ACTR6: variants seen among roughly 807,000 people sequenced by gnomAD.
ACTR6 encodes actin-related protein 6.
Under a neutral mutation model 52.5 loss-of-function variants are expected in ACTR6, and 50 were observed. The observed-to-expected ratio is 0.95, with a 90% CI of 0.76 to 1.20. The LOEUF is 1.20. ACTR6 is among the 50% of genes most tolerant of loss of function. The pLI, the probability that ACTR6 is intolerant of heterozygous loss-of-function variation, is 0.00. For missense variants in ACTR6, 344 were observed against 472.4 expected, an observed-to-expected ratio of 0.73 and a Z score of 2.52; for synonymous variants, 135 against 147.2, an observed-to-expected ratio of 0.92 and a Z score of 0.60.
intron 8 of ACTR6, among the ~76,000 whole-genome samples, chr12:100,214,997 AT>A (rs2096122904): frequency 1.3e-5 from 2 of 152,154 alleles, no homozygotes; most frequent in Non-Finnish European, 2.9e-5. Flanking sequence ...TTATTGTCAT[AT>A]TTTATAGCTG....
intron 4 of ACTR6, chr12:100,208,857 C>T (rs1390498137): frequency 1.1e-5 from 5 of 445,624 alleles, no homozygotes; most frequent in Non-Finnish European, 1.8e-5. Flanking sequence ...AGGGATCCTC[C>T]CGCCTCAGCC....
intron 1 of ACTR6, among the ~76,000 whole-genome samples, 191 bp from the exon 2 acceptor site, chr12:100,204,749 C>T (rs1228246297): frequency 1.3e-5 from 2 of 152,190 alleles, no homozygotes. Context: ...TCATCCTGCT[C>T]CCAAAGTGCT....
intron 4 of ACTR6, 154 bp downstream of exon 4, chr12:100,207,940 C>T: frequency 1.4e-6 from 1 of 712,246 alleles, no homozygotes; most frequent in Non-Finnish European, 2.3e-6. Flanking sequence ...GCGAGTAGAT[C>T]ACTTGAGTTT....
chr12:100,216,935 A>G (rs2096124331), intron 8 of ACTR6, among the ~76,000 whole-genome samples: 1 of 152,134 alleles, frequency 6.6e-6, no homozygotes, highest in Non-Finnish European at 1.5e-5. Flanking sequence ...TTTTTATTTT[A>G]GAATAATGTT....
intron 6 of ACTR6, among the ~76,000 whole-genome samples, chr12:100,211,689 G>A (rs11613218): frequency 0.014 from 2,115 of 152,250 alleles, 18 homozygotes; most frequent in Non-Finnish European, 0.021. Context: ...GCCACACCCA[G>A]TCATGCCATA....
At chr12:100,216,604 A>G (rs2096124132) in intron 8 of ACTR6, among the ~76,000 whole-genome samples, 1 of 152,242 alleles carries the variant, frequency 6.6e-6, no homozygotes, top group Non-Finnish European at 1.5e-5. Context: ...TATAAACTAG[A>G]TAACCTCTAA....
chr12:100,213,880 A>C (rs373834393), intron 8 of ACTR6, among the ~76,000 whole-genome samples: 2 of 152,246 alleles, frequency 1.3e-5, no homozygotes, highest in African/African-American at 4.8e-5. Flanking sequence ...TTGGTCAGAA[A>C]CATAAGCACA....
chr12:100,202,874 A>AT (rs756622553), intron 1 of ACTR6, among the ~76,000 whole-genome samples: 17 of 151,642 alleles, frequency 1.1e-4, no homozygotes, highest in African/African-American at 2.7e-4. Flanking sequence ...AAAAAAAAAA[A>AT]GTTGCTACTT....
In ACTR6 at chr12:100,200,889, C is replaced by G. The variant is rs2096109050; in HGVS notation, c.38C>G (p.Ala13Gly). 3 of 1,614,040 alleles carry G rather than the reference C, an allele frequency of 1.9e-6. No homozygotes were observed. The African/African-American group carries it at 4.0e-5, about 22-fold the overall frequency. ...GTGCTGGATAATGGAGCTTACAACG[C>G]CAAAATCGGTTACAGCCATGAAAAT... is the stretch of plus-strand genomic sequence containing the variant. ...TLVLDNGAYN[A>G]KIGYSHENVS... is the part of the protein sequence containing the mutation. The change falls in exon 1 of 11, where the codon GCC (alanine) becomes GGC (glycine). Residue 13 changes from alanine to glycine, a missense_variant. Physicochemically the swap from Ala to Gly is moderately conservative, Grantham distance 60. Transcript: ENST00000188312.
intron 9 of ACTR6, 47 bp from the exon 10 acceptor site, chr12:100,219,960 AT>A: frequency 1.3e-6 from 2 of 1,596,202 alleles, no homozygotes; most frequent in Non-Finnish European, 1.7e-6. Context: ...AAGTAAACAG[AT>A]TTTCTAATGC....
At position 100,220,270 on chromosome 12, in the gene ACTR6, A is replaced by G. The variant is rs532844648; in HGVS notation, c.1061+124A>G. 3.2e-6 allele frequency: 3 copies of G among 928,806 alleles called. No individual in the cohort carries two copies. The Admixed American group carries it at 7.3e-5, about 23-fold the overall frequency. The allele number at this position is 928,806 out of a possible 1,614,324, so 57.5% of individuals were successfully genotyped here. A position where few individuals can be genotyped will look rare whatever the true frequency, so the allele number is the denominator to read the frequency against. ...GGTTCATTTCACCTGCTGAATATTC[A>G]TTTTTCTTCTTTCAAAAATTGAAAT... On this transcript the variant is annotated intron_variant, in intron 10 of 10. Coordinates refer to ENST00000188312, the MANE Select transcript of ACTR6 (RefSeq NM_022496.5).
In ACTR6 at chr12:100,219,921, T is replaced by A; in HGVS notation, c.923-87T>A. 6 of 1,409,664 alleles carry A rather than the reference T, an allele frequency of 4.3e-6. No individual in the cohort carries two copies. In the South Asian group the frequency reaches 7.7e-5, roughly 18 times the overall value. 87.3% of individuals were successfully genotyped at this position (1,409,664 alleles called of 1,614,324 possible). ...AACTGTAATCCCTAATTGCTTCTTA[T>A]CTGATCCCTCATCCACATCTTTCCA... On this transcript the variant is annotated intron_variant, in intron 9 of 10. Transcript: ENST00000188312.
chr12:100,202,655 C>T (rs1226113121), intron 1 of ACTR6, among the ~76,000 whole-genome samples: 1 of 151,910 alleles, frequency 6.6e-6, no homozygotes, highest in African/African-American at 2.4e-5. Flanking sequence ...TTAGGAGATC[C>T]AGAGCATCAT....
chr12:100,219,740 T>C (rs1263990237), intron 9 of ACTR6, among the ~76,000 whole-genome samples: 1 of 152,182 alleles, frequency 6.6e-6, no homozygotes, highest in Non-Finnish European at 1.5e-5. Flanking sequence ...CATGAGTGTA[T>C]AGTAAGTAGC....
In ACTR6 at chr12:100,204,983, A is replaced by G. The variant is rs1361991753; in HGVS notation, c.112A>G (p.Lys38Glu). The change falls in exon 2 of 11, where the codon AAA (lysine) becomes GAA (glutamate). Residue 38 changes from lysine (K) to glutamate (E), a missense_variant. Coordinates refer to ENST00000188312, the MANE Select transcript of ACTR6 (RefSeq NM_022496.5). ...CQFRSKTARL[K>E]TFTANQIDEI... is the part of the protein sequence containing the mutation. ...GTTCCGGTCAAAAACAGCACGTCTT[A>G]AAACTTTTACTGCCAACCAGATAGA... The G allele has an allele frequency of 6.2e-7, 1 of 1,612,962 alleles. No homozygotes were observed. Among genetic ancestry groups the G allele is most frequent in the Non-Finnish European group, 8.5e-7 (1 of 1,179,268 alleles).
Position 100,218,400 on chromosome 12 carries a change from T to A in ACTR6, c.751-15T>A, listed in dbSNP as rs777006612. The A allele has an allele frequency of 6.2e-7, 1 of 1,600,702 alleles. No individual in the cohort carries two copies. The highest frequency in any genetic ancestry group is 1.1e-5 in the South Asian group (1 of 89,084). On this transcript the variant is annotated splice_polypyrimidine_tract_variant and intron_variant, in intron 8 of 10. Transcript: ENST00000188312. This position sits in a 1 kb window ranked among gnomAD's most constrained non-coding sequence, Gnocchi z 4.2. ...GATAATATAACTTAAACTTTTAATC[T>A]TCTTTGTCTTTAAGCCAAGGGAAGA...
At chr12:100,221,687 T>A (rs1177065328) in intron 10 of ACTR6, 18 of 152,072 alleles carry the variant, frequency 1.2e-4, no homozygotes, top group Admixed American at 1.2e-3. Flanking sequence ...TCTACCACTT[T>A]GGGTGGCCAA....
intron 8 of ACTR6, among the ~76,000 whole-genome samples, chr12:100,213,255 G>A (rs949501166): frequency 6.6e-6 from 1 of 152,030 alleles, no homozygotes; most frequent in Non-Finnish European, 1.5e-5. Flanking sequence ...ACCACGCCTG[G>A]TTCATATTTG....
intron 8 of ACTR6, among the ~76,000 whole-genome samples, chr12:100,217,441 T>C (rs79995136): frequency 0.017 from 2,533 of 152,292 alleles, 67 homozygotes; most frequent in African/African-American, 0.058. Context: ...CAACTGCATT[T>C]ATAAGTCAAA....
Sources: allele counts gnomAD v4.1 joint callset (sites outside exome capture counted in the v4.1 genomes callset), GRCh38; gene constraint gnomAD v4.1.1; non-coding constraint Gnocchi (gnomAD v3.1); transcripts MANE v1.5; gene names NCBI Gene and HGNC (gene_info 2026-07-23, HGNC 2026-07-21).